The following RNF111 variants were observed in gnomAD, a reference collection of about 807,000 sequenced individuals.
The protein encoded by RNF111 is E3 ubiquitin-protein ligase Arkadia.
A neutral mutation model predicts 95.1 loss-of-function variants in RNF111; 17 were observed. That is an observed-to-expected ratio of 0.18 (90% CI 0.12 to 0.27). RNF111 has a LOEUF of 0.27. Ranked by LOEUF, RNF111 falls within the 10% of genes least tolerant of loss-of-function variation. The probability of loss-of-function intolerance (pLI) is 1.00; values close to 1 mark genes in which losing one functional copy is unlikely to be tolerated. For missense variants in RNF111, 1,189 were observed against 1,210.4 expected, an observed-to-expected ratio of 0.98 and a Z score of 0.26; for synonymous variants, 440 against 414.8, an observed-to-expected ratio of 1.06 and a Z score of -0.74.
intron 1 of RNF111, among the ~76,000 whole-genome samples, chr15:59,027,703 A>AT (rs541275303): frequency 9.4e-4 from 134 of 143,120 alleles, no homozygotes; most frequent in Middle Eastern, 4.0e-3. Flanking sequence ...TAATTTTTGT[A>AT]TTTTTAGTAA....
intron 13 of RNF111, 151 bp from the exon 14 acceptor site, chr15:59,094,632 C>T: frequency 1.9e-6 from 1 of 538,220 alleles, no homozygotes; most frequent in African/African-American, 2.0e-5. Context: ...TTATATTGCC[C>T]AGAGTGCTAA....
At chr15:59,086,209 T>C (rs1362291176) in intron 10 of RNF111, among the ~76,000 whole-genome samples, 1 of 152,144 alleles carries the variant, frequency 6.6e-6, no homozygotes, top group African/African-American at 2.4e-5. Context: ...AACCTCCACC[T>C]CCTGGGTTCA....
chr15:59,052,656 T>C (rs1452806985), intron 3 of RNF111, among the ~76,000 whole-genome samples: 2 of 149,658 alleles, frequency 1.3e-5, no homozygotes, highest in African/African-American at 2.5e-5. Context: ...CAAGTGATTC[T>C]CCTGTCTCAT....
At chr15:59,002,208 A>G (rs1463247479) in intron 1 of RNF111, among the ~76,000 whole-genome samples, 2 of 151,810 alleles carry the variant, frequency 1.3e-5, no homozygotes, top group African/African-American at 4.8e-5. Flanking sequence ...GTTGGTTAAA[A>G]CTCACCATTC....
chr15:59,058,334 G>T (rs748847524), intron 4 of RNF111, 22 bp from the exon 5 acceptor site: 3 of 1,601,006 alleles, frequency 1.9e-6, no homozygotes, highest in Non-Finnish European at 2.6e-6. Context: ...GAAATGCTAA[G>T]TTGACATTTT....
intron 1 of RNF111, among the ~76,000 whole-genome samples, chr15:59,021,651 G>A (rs907545379): frequency 2.6e-5 from 4 of 152,056 alleles, no homozygotes; most frequent in Non-Finnish European, 4.4e-5. Flanking sequence ...CAATTTTATA[G>A]ACTAAAAACA....
intron 5 of RNF111, 177 bp downstream of exon 5, chr15:59,058,727 G>T: frequency 1.6e-6 from 1 of 614,814 alleles, no homozygotes; most frequent in Non-Finnish European, 2.8e-6. Flanking sequence ...TCATATTTGA[G>T]TTTGTGTGCT....
intron 1 of RNF111, among the ~76,000 whole-genome samples, chr15:59,010,639 T>G (rs1157362786): frequency 1.3e-5 from 2 of 152,274 alleles, no homozygotes. Context: ...TGACATCAGG[T>G]GATCTGCCCA....
rs1228497516 is a variant in RNF111, at chr15:59,081,023, C to T, written c.2036C>T (p.Pro679Leu). 1.2e-6 allele frequency: 2 copies of T among 1,614,124 alleles called. No individual in the cohort carries two copies. Among genetic ancestry groups the T allele is most frequent in the Non-Finnish European group, 1.7e-6 (2 of 1,180,028 alleles). Residue 679 changes from proline to leucine, a missense_variant, in exon 8 of 14, where the codon CCT becomes CTT. Physicochemically the swap from Pro to Leu is moderately conservative, Grantham distance 98. Around this residue, in one of 2 missense-constraint regions of RNF111, gnomAD observed 1,024 missense variants for 925.9 expected, o/e 1.11. Transcript: ENST00000348370. ...CCCCCTCCTCAGACTCAGCCTCCGC[C>T]TCAAGTGGATTATGTTATTCCTCAT... is the stretch of plus-strand genomic sequence containing the variant. The part of the protein sequence containing the change: ...GNPPPQTQPP[P>L]QVDYVIPHPV...
At chr15:59,018,124 G>GTGT (rs1567214695) in intron 1 of RNF111, among the ~76,000 whole-genome samples, 2 of 152,114 alleles carry the variant, frequency 1.3e-5, no homozygotes, top group Non-Finnish European at 2.9e-5. Context: ...CACTTTTAAT[G>GTGT]AAGAAAGATT....
Position 59,031,510 on chromosome 15 carries a change from G to A in RNF111, c.688G>A (p.Glu230Lys). The change falls in exon 2 of 14, where the codon GAG becomes AAG. Residue 230 changes from glutamate to lysine, a missense_variant. Physicochemically the swap from Glu to Lys is moderately conservative, Grantham distance 56. Around this residue, in one of 2 missense-constraint regions of RNF111, gnomAD observed 1,024 missense variants for 925.9 expected, o/e 1.11. Transcript: ENST00000348370. ...CTCACAGAGGACACAGAAACAAAAA[G>A]AGAGGATATTAATGCAGAGGAAGAA... is the stretch of plus-strand genomic sequence containing the variant. ...NSSQRTQKQK[E>K]RILMQRKKRE... is the part of the protein sequence containing the mutation. The A allele has an allele frequency of 6.2e-7, 1 of 1,614,204 alleles. No individual in the cohort carries two copies. Among genetic ancestry groups the A allele is most frequent in the Non-Finnish European group, 8.5e-7 (1 of 1,180,038 alleles).
intron 1 of RNF111, among the ~76,000 whole-genome samples, chr15:59,015,719 G>A (rs548449845): frequency 2.0e-5 from 3 of 151,492 alleles, no homozygotes; most frequent in South Asian, 2.1e-4. Flanking sequence ...AATATTCTTC[G>A]CCCACCGTCA....
intron 1 of RNF111, among the ~76,000 whole-genome samples, chr15:59,009,582 T>C (rs192622257): frequency 7.9e-5 from 12 of 151,774 alleles, no homozygotes; most frequent in Admixed American, 4.6e-4. Flanking sequence ...GATTAGATAA[T>C]ATAGAACGAT....
At chr15:58,995,658 A>G (rs1198455165) in intron 1 of RNF111, among the ~76,000 whole-genome samples, 3 of 150,898 alleles carry the variant, frequency 2.0e-5, no homozygotes, top group South Asian at 4.2e-4. Flanking sequence ...GGGTTTCACC[A>G]TCTTGGACAG....
chr15:59,066,663 G>A (rs62002544), intron 5 of RNF111, 101 bp from the exon 6 acceptor site: 240,983 of 946,092 alleles, frequency 0.25, 31,908 homozygotes, highest in East Asian at 0.41. Flanking sequence ...TGAAATTACC[G>A]AACATTTCTT....
At chr15:59,037,664 C>T (rs144504098) in intron 2 of RNF111, among the ~76,000 whole-genome samples, 1,557 of 152,078 alleles carry the variant, frequency 0.01, 21 homozygotes, top group African/African-American at 0.036. Flanking sequence ...TGGAGAAACC[C>T]CGTCTCTACT....
intron 6 of RNF111, among the ~76,000 whole-genome samples, chr15:59,072,252 C>T (rs2042960521): frequency 1.3e-5 from 2 of 152,056 alleles, no homozygotes. Context: ...ATGAAGTTTG[C>T]TGCATTGATT....
intron 4 of RNF111, among the ~76,000 whole-genome samples, chr15:59,057,333 C>A (rs919132273): frequency 2.0e-5 from 3 of 152,118 alleles, no homozygotes; most frequent in African/African-American, 2.4e-5. Context: ...TTTTTATGTA[C>A]AAGCAATTTG....
chr15:59,007,142 A>G (rs2039577702), intron 1 of RNF111, among the ~76,000 whole-genome samples: 1 of 152,202 alleles, frequency 6.6e-6, no homozygotes, highest in African/African-American at 2.4e-5. Flanking sequence ...GTTTTGCCAA[A>G]TGCATCTATT....
Sources: allele counts gnomAD v4.1 joint callset (sites outside exome capture counted in the v4.1 genomes callset), GRCh38; gene constraint gnomAD v4.1.1; regional missense constraint gnomAD v4.1.1; transcripts MANE v1.5; gene names NCBI Gene and HGNC (gene_info 2026-07-23, HGNC 2026-07-21).